TCF3: variants seen among roughly 807,000 people sequenced by gnomAD.
The protein encoded by TCF3 is transcription factor 3.
A neutral mutation model predicts 72.3 loss-of-function variants in TCF3; 54 were observed. That is an observed-to-expected ratio of 0.75 (90% CI 0.60 to 0.94). TCF3 has a LOEUF of 0.94. Among genes scored for constraint, TCF3 ranks in the 40% least tolerant of loss-of-function variants. The pLI, the probability that TCF3 is intolerant of heterozygous loss-of-function variation, is 0.00. For missense variants in TCF3, 1,078 were observed against 934.4 expected (o/e 1.15, Z -2.00); for synonymous variants, 525 against 412.6 (o/e 1.27, Z -3.30).
chr19:1,614,280 C>T lies in TCF3; in HGVS notation c.1822+1005G>A, dbSNP rs1181429661. Among the ~76,000 whole-genome samples, 1 of 152,232 alleles carries T rather than the reference C, an allele frequency of 6.6e-6. No individual in the cohort carries two copies. Among genetic ancestry groups the T allele is most frequent in the Non-Finnish European group, 1.5e-5 (1 of 68,030 alleles). ...CGGCCCCTGGAGCCCAGGACAAGCG[C>T]ACAGACCAAACTGACAGGACCAGGG... On this transcript the variant is annotated intron_variant, in intron 18 of 18. Transcript: ENST00000262965. The surrounding 1 kb of genome is among the most constrained non-coding windows in gnomAD (Gnocchi z 5.6).
At chr19:1,646,486 C>T in intron 2 of TCF3, 59 bp from the exon 3 acceptor site, 1 of 1,495,872 alleles carries the variant, frequency 6.7e-7, no homozygotes, top group Non-Finnish European at 9.1e-7. Flanking sequence ...CCCTACAGTC[C>T]CGGGTTCAAA....
intron 16 of TCF3, 75 bp downstream of exon 16, chr19:1,619,036 G>C (rs2061857373): frequency 1.9e-6 from 3 of 1,591,650 alleles, no homozygotes; most frequent in Non-Finnish European, 2.5e-6. Context: ...CTCCCACCCT[G>C]ACCCCCACCA....
In TCF3 at chr19:1,615,614, T is replaced by C. The variant is rs761347395; in HGVS notation, c.1586+72A>G. On this transcript the variant is annotated intron_variant, in intron 17 of 18. Transcript: ENST00000262965. The surrounding 1 kb of genome is among the most constrained non-coding windows in gnomAD (Gnocchi z 7.3). ...CGACGGCCTCCCAGTGTGGGTGCGGTGTGCGTGTGGCCTGTGCACATGTGC... is the reference window on the plus strand; with the variant it reads ...CGACGGCCTCCCAGTGTGGGTGCGGCGTGCGTGTGGCCTGTGCACATGTGC... The C allele has an allele frequency of 1.2e-6, 2 of 1,608,796 alleles. No homozygotes were observed. The highest frequency in any genetic ancestry group is 2.2e-5 in the East Asian group (1 of 44,794).
At chr19:1,632,004 A>G in intron 5 of TCF3, 34 bp downstream of exon 5, 1 of 1,605,404 alleles carries the variant, frequency 6.2e-7, no homozygotes, top group South Asian at 1.1e-5. Flanking sequence ...ACATCTGTGC[A>G]CAGCAGAGGG....
chr19:1,634,884 GT>G (rs1394123572), intron 3 of TCF3, among the ~76,000 whole-genome samples: 1 of 152,220 alleles, frequency 6.6e-6, no homozygotes, highest in Admixed American at 6.5e-5. Context: ...CAACAGTAGA[GT>G]TGAATCAATT....
At chr19:1,642,267 C>CAG (rs1305263345) in intron 3 of TCF3, among the ~76,000 whole-genome samples, 2 of 151,796 alleles carry the variant, frequency 1.3e-5, no homozygotes, top group Non-Finnish European at 2.9e-5. Context: ...CGCACACACG[C>CAG]ACGCACACGC....
At chr19:1,649,586 G>A (rs2145757172) in intron 2 of TCF3, among the ~76,000 whole-genome samples, 1 of 152,128 alleles carries the variant, frequency 6.6e-6, no homozygotes, top group East Asian at 1.9e-4. Flanking sequence ...AATTTTTTGA[G>A]TTTTGTTTTG....
intron 18 of TCF3, chr19:1,612,397 G>T: frequency 1.2e-6 from 2 of 1,613,260 alleles, no homozygotes. Flanking sequence ...GGTCCCTCAG[G>T]TCTTTCTCCT....
In TCF3 at chr19:1,620,992, CG is replaced by C; in HGVS notation, c.1068del (p.Val357TrpfsTer37). On this transcript the variant is annotated frameshift_variant, in exon 13 of 19. Coordinates refer to ENST00000262965, the MANE Select transcript of TCF3 (RefSeq NM_003200.5). LOFTEE classifies it high-confidence loss of function. Reference sequence around the variant, plus strand: ...CCTGCCAGGCCCTGGGGGGAGCCCACGGGGGTAGAAGGGCTGGACGAGAAGT... The same window carrying C: ...CCTGCCAGGCCCTGGGGGGAGCCCACGGGGTAGAAGGGCTGGACGAGAAGT... ...SNNFSSSPST[P>X]VGSPQGLAGT... 1.3e-6 allele frequency: 2 copies of C among 1,515,066 alleles called. No individual in the cohort carries two copies. Among genetic ancestry groups the C allele is most frequent in the South Asian group, 1.3e-5 (1 of 77,918 alleles). The allele number at this position is 1,515,066 out of a possible 1,614,324, so 93.9% of individuals were successfully genotyped here.
chr19:1,629,358 C>G (rs1201420838), intron 5 of TCF3, among the ~76,000 whole-genome samples: 1 of 152,196 alleles, frequency 6.6e-6, no homozygotes. Context: ...ATTCAGCCTT[C>G]AGGCCAGGGT....
chr19:1,644,559 C>T (rs925627654), intron 3 of TCF3, among the ~76,000 whole-genome samples: 1 of 152,248 alleles, frequency 6.6e-6, no homozygotes, highest in African/African-American at 2.4e-5. Flanking sequence ...CAACCTGCAG[C>T]ATTGGGGCAG....
intron 3 of TCF3, among the ~76,000 whole-genome samples, chr19:1,643,696 G>T (rs770738541): frequency 2.6e-5 from 4 of 152,150 alleles, no homozygotes; most frequent in Non-Finnish European, 5.9e-5. Context: ...CTCCTCTCTC[G>T]ACACCAATTT....
At chr19:1,647,873 C>G (rs920650337) in intron 2 of TCF3, among the ~76,000 whole-genome samples, 3 of 152,202 alleles carry the variant, frequency 2.0e-5, no homozygotes, top group African/African-American at 4.8e-5. Flanking sequence ...AGAAATGGAC[C>G]GAGGGCTCTG....
rs938905317 is a variant in TCF3, at chr19:1,637,224, C to G, written c.146-4819G>C. 1.4e-5 allele frequency among the ~76,000 whole-genome samples: 2 copies of G among 141,416 alleles called. 1 individual carries two copies. Among genetic ancestry groups the G allele is most frequent in the Non-Finnish European group, 3.0e-5 (2 of 65,786 alleles). The allele number at this position is 141,416 out of a possible 152,430, so 92.8% of individuals were successfully genotyped here. A position where few individuals can be genotyped will look rare whatever the true frequency, so the allele number is the denominator to read the frequency against. Reference sequence around the variant, plus strand: ...GCCTCGCAACCTCCTCCACCAGAACCGAGGACGCCTGGCAACCTCCTCCAC... The same window carrying G: ...GCCTCGCAACCTCCTCCACCAGAACGGAGGACGCCTGGCAACCTCCTCCAC... On this transcript the variant is annotated intron_variant, in intron 3 of 18. Transcript: ENST00000262965.
chr19:1,642,196 A>C (rs973670507), intron 3 of TCF3, among the ~76,000 whole-genome samples: 1 of 114,482 alleles, frequency 8.7e-6, no homozygotes, highest in Non-Finnish European at 2.0e-5. Context: ...GCAGACACAG[A>C]CGCAGACACG....
intron 3 of TCF3, among the ~76,000 whole-genome samples, chr19:1,633,445 G>A (rs938354704): frequency 6.6e-6 from 1 of 152,080 alleles, no homozygotes; most frequent in Admixed American, 6.6e-5. Flanking sequence ...AGGCTGTTCT[G>A]CAGGCTCCCC....
chr19:1,625,891 G>A (rs866881077), intron 6 of TCF3, among the ~76,000 whole-genome samples, 183 bp from the exon 7 acceptor site: 4 of 152,158 alleles, frequency 2.6e-5, no homozygotes, highest in Non-Finnish European at 2.9e-5. Flanking sequence ...GAGACTGACC[G>A]CATCCCACAC....
intron 11 of TCF3, 23 bp downstream of exon 11, chr19:1,621,815 C>G: frequency 6.4e-7 from 1 of 1,568,876 alleles, no homozygotes; most frequent in Non-Finnish European, 8.6e-7. Context: ...TCGGAGAGGC[C>G]GCATCCCAGG....
chr19:1,631,800 T>C, intron 5 of TCF3: 1 of 1,098,034 alleles, frequency 9.1e-7, no homozygotes, highest in Non-Finnish European at 1.3e-6. Context: ...TGGAACGGCC[T>C]CCCTGCCTCT....
Sources: gnomAD v4.1 joint callset for allele counts (sites outside exome capture counted in the v4.1 genomes callset) on GRCh38, gnomAD v4.1.1 for gene constraint, Gnocchi (gnomAD v3.1) non-coding constraint, MANE v1.5 for transcripts, NCBI Gene and HGNC (gene_info 2026-07-23, HGNC 2026-07-21) for gene names.